Variants in ATRNL1 observed in about 807,000 individuals in gnomAD.
The protein encoded by ATRNL1 is attractin like 1.
A neutral mutation model predicts 182.7 loss-of-function variants in ATRNL1; 95 were observed. That is an observed-to-expected ratio of 0.52 (90% confidence interval 0.44 to 0.62). ATRNL1 has a LOEUF of 0.62. Ranked by LOEUF, ATRNL1 falls within the 20% of genes least tolerant of loss-of-function variation. The pLI is 0.00. For synonymous variants in ATRNL1, 576 were observed against 568.3 expected (o/e 1.01, Z -0.19); for missense variants, 1,471 against 1,679.5 (o/e 0.88, Z 2.17).
chr10:115,887,450 C>A (rs1555110071), intron 28 of ATRNL1, among the ~76,000 whole-genome samples: 1 of 152,148 alleles, frequency 6.6e-6, no homozygotes, highest in Non-Finnish European at 1.5e-5. Flanking sequence ...CTCACTGTAA[C>A]AACACACAGT....
intron 28 of ATRNL1, among the ~76,000 whole-genome samples, chr10:115,919,604 A>G (rs1465479439): frequency 6.6e-6 from 1 of 152,192 alleles, no homozygotes; most frequent in Non-Finnish European, 1.5e-5. Context: ...GAATGTGTAT[A>G]TATAATTAAT....
At chr10:115,466,754 G>A (rs1443399908) in intron 22 of ATRNL1, among the ~76,000 whole-genome samples, 2 of 150,984 alleles carry the variant, frequency 1.3e-5, no homozygotes. Context: ...CACCTAAGAA[G>A]AAGTCTTTTA....
Position 115,946,127 on chromosome 10 carries a change from T to C in ATRNL1, c.*1348T>C, listed in dbSNP as rs1351421613. The C allele has an allele frequency of 6.6e-6, 1 of 152,194 alleles. No individual in the cohort carries two copies. The highest frequency in any genetic ancestry group is 1.5e-5 in the Non-Finnish European group (1 of 68,032). 9.4% of individuals were successfully genotyped at this position (152,194 alleles called of 1,614,324 possible). A position where few individuals can be genotyped will look rare whatever the true frequency, so the allele number is the denominator to read the frequency against. On this transcript the variant is annotated 3_prime_UTR_variant, in exon 29 of 29. Transcript: ENST00000355044. Reference sequence around the variant, plus strand: ...AAGATATGTATAACAGTGACAGAAATCTCCAAAGCTGCTGTATATGATATA... The same window carrying C: ...AAGATATGTATAACAGTGACAGAAACCTCCAAAGCTGCTGTATATGATATA...
Position 115,254,097 on chromosome 10 carries a change from T to C in ATRNL1, c.1688-11096T>C, listed in dbSNP as rs532740316. Among the ~76,000 whole-genome samples the C allele has an allele frequency of 3.3e-5, 5 of 152,316 alleles. No homozygotes were observed. In the East Asian group the frequency reaches 5.8e-4, roughly 18 times the overall value. On this transcript the variant is annotated intron_variant, in intron 10 of 28. Coordinates refer to ENST00000355044, the MANE Select transcript of ATRNL1 (RefSeq NM_207303.4). ...TGTGAATAGTACCGCAGTAAACATA[T>C]GTGTGCATGTGTCTTTATAGTAGCA...
chr10:115,359,625 C>G (rs1271887406), intron 19 of ATRNL1, among the ~76,000 whole-genome samples: 1 of 151,240 alleles, frequency 6.6e-6, no homozygotes, highest in African/African-American at 2.4e-5. Flanking sequence ...TCTTATTGAG[C>G]AATAATGCAA....
At chr10:115,350,346 GAA>G (rs71010016) in intron 19 of ATRNL1, among the ~76,000 whole-genome samples, 1,785 of 66,412 alleles carry the variant, frequency 0.027, 64 homozygotes, top group African/African-American at 0.1. Flanking sequence ...AAAAAAAAAA[GAA>G]AAAAAAAAAA....
chr10:115,674,300 G>A (rs1202082710), intron 26 of ATRNL1, among the ~76,000 whole-genome samples: 4 of 152,026 alleles, frequency 2.6e-5, no homozygotes, highest in Non-Finnish European at 5.9e-5. Flanking sequence ...CATTTCTGAT[G>A]TCGGAGCTTT....
intron 3 of ATRNL1, among the ~76,000 whole-genome samples, chr10:115,122,740 A>G (rs1437439498): frequency 6.6e-6 from 1 of 152,092 alleles, no homozygotes; most frequent in African/African-American, 2.4e-5. Context: ...GTATTTCCTT[A>G]GGAGCTTAGG....
At chr10:115,886,468 C>T (rs539970924) in intron 28 of ATRNL1, among the ~76,000 whole-genome samples, 4 of 152,242 alleles carry the variant, frequency 2.6e-5, no homozygotes, top group East Asian at 3.9e-4. Flanking sequence ...GAGCCAAGAT[C>T]GCACCATTGC....
At chr10:115,242,489 G>A (rs1850463991) in intron 10 of ATRNL1, among the ~76,000 whole-genome samples, 1 of 151,676 alleles carries the variant, frequency 6.6e-6, no homozygotes, top group Non-Finnish European at 1.5e-5. Context: ...ATACTTATCA[G>A]TACTTAAGAG....
intron 19 of ATRNL1, among the ~76,000 whole-genome samples, chr10:115,390,892 A>C (rs564597915): frequency 2.6e-5 from 4 of 152,210 alleles, no homozygotes; most frequent in Admixed American, 6.5e-5. Flanking sequence ...TTTACTTCCA[A>C]GTATTTTTTA....
intron 8 of ATRNL1, among the ~76,000 whole-genome samples, chr10:115,187,190 A>G (rs1041426688): frequency 6.1e-4 from 89 of 146,376 alleles, no homozygotes; most frequent in Middle Eastern, 3.4e-3. Context: ...TTTTTTTTTT[A>G]ACAAAAATGA....
At chr10:115,132,604 G>C (rs28844020) in intron 5 of ATRNL1, among the ~76,000 whole-genome samples, 1,671 of 151,692 alleles carry the variant, frequency 0.011, 27 homozygotes, top group African/African-American at 0.037. Flanking sequence ...TGTTTCCTGA[G>C]TTTTTAATGA....
chr10:115,796,582 CA>C (rs2134224181), intron 27 of ATRNL1, among the ~76,000 whole-genome samples: 1 of 152,284 alleles, frequency 6.6e-6, no homozygotes, highest in Non-Finnish European at 1.5e-5. Flanking sequence ...AGGTAGGTAG[CA>C]GTGCAATAAA....
chr10:115,495,430 T>C (rs1849496185), intron 24 of ATRNL1, among the ~76,000 whole-genome samples: 1 of 152,174 alleles, frequency 6.6e-6, no homozygotes, highest in Non-Finnish European at 1.5e-5. Context: ...TTTGAGATCA[T>C]TCTAACTTTT....
intron 20 of ATRNL1, among the ~76,000 whole-genome samples, chr10:115,400,412 T>C (rs1844510293): frequency 6.6e-6 from 1 of 152,096 alleles, no homozygotes; most frequent in Admixed American, 6.6e-5. Context: ...GATGAATGTA[T>C]ATTGTGTTCT....
chr10:115,648,231 G>A (rs1275428645), intron 26 of ATRNL1, among the ~76,000 whole-genome samples: 1 of 152,044 alleles, frequency 6.6e-6, no homozygotes, highest in Non-Finnish European at 1.5e-5. Flanking sequence ...AAAATACCTA[G>A]GAATCCAACT....
intron 26 of ATRNL1, among the ~76,000 whole-genome samples, chr10:115,553,528 G>A (rs1853125737): frequency 6.6e-6 from 1 of 151,188 alleles, no homozygotes; most frequent in Non-Finnish European, 1.5e-5. Context: ...AATTTTGGAG[G>A]ATAAGACATG....
At chr10:115,265,711 C>T (rs1851581686) in intron 11 of ATRNL1, among the ~76,000 whole-genome samples, 1 of 151,720 alleles carries the variant, frequency 6.6e-6, no homozygotes, top group Admixed American at 6.6e-5. Context: ...TTTGACAAGT[C>T]TCTTAACCTC....
Sources: allele counts gnomAD v4.1 joint callset (sites outside exome capture counted in the v4.1 genomes callset), GRCh38; gene constraint gnomAD v4.1.1; transcripts MANE v1.5; gene names NCBI Gene and HGNC (gene_info 2026-07-23, HGNC 2026-07-21).